Variants in STK32B observed in about 807,000 individuals in gnomAD.
STK32B encodes the protein serine/threonine kinase 32B.
STK32B carries 43 observed loss-of-function variants against 52.6 expected under a neutral mutation model. The observed-to-expected ratio is 0.82, with a 90% CI of 0.64 to 1.05. The LOEUF (loss-of-function observed/expected upper bound fraction) is 1.05, where lower values mean the gene tolerates loss of function less well. Among genes scored for constraint, STK32B ranks in the 50% least tolerant of loss-of-function variants. STK32B has a pLI of 0.00. For synonymous variants in STK32B, 238 were observed against 204.3 expected, an observed-to-expected ratio of 1.17 and a Z score of -1.41; for missense variants, 621 against 534.6, an observed-to-expected ratio of 1.16 and a Z score of -1.59.
At chr4:5,437,017 T>A (rs558185766) in intron 6 of STK32B, among the ~76,000 whole-genome samples, 1 of 152,308 alleles carries the variant, frequency 6.6e-6, no homozygotes, top group Admixed American at 6.5e-5. Flanking sequence ...TTCTGTATAC[T>A]GGGCTGAGCA....
At chr4:5,286,890 C>T (rs543151015) in intron 3 of STK32B, among the ~76,000 whole-genome samples, 22 of 149,160 alleles carry the variant, frequency 1.5e-4, no homozygotes, top group African/African-American at 5.3e-4. Context: ...CTCTGCCTTC[C>T]AGTTTCAAGC....
At chr4:5,228,753 A>G (rs1724042996) in intron 3 of STK32B, among the ~76,000 whole-genome samples, 2 of 152,182 alleles carry the variant, frequency 1.3e-5, no homozygotes, top group South Asian at 4.1e-4. Flanking sequence ...GGATCACCTG[A>G]GGTCAAGAGT....
intron 4 of STK32B, among the ~76,000 whole-genome samples, chr4:5,381,757 G>A (rs1160170709): frequency 6.6e-6 from 1 of 152,184 alleles, no homozygotes; most frequent in East Asian, 1.9e-4. Context: ...TGTAAAGATG[G>A]TAATGGGTTC....
the STK32B span, among the ~76,000 whole-genome samples, chr4:5,043,145 G>A: frequency 1.4e-5 from 2 of 147,674 alleles, no homozygotes; most frequent in African/African-American, 5.0e-5. Context: ...AACCTGTGCA[G>A]CATGAATACC....
At chr4:5,040,683 C>T in the STK32B span, among the ~76,000 whole-genome samples, 77 of 152,194 alleles carry the variant, frequency 5.1e-4, no homozygotes, top group Admixed American at 1.3e-3. Flanking sequence ...CCACTGCGCC[C>T]GGCCAAGCAG....
At chr4:5,349,443 T>A (rs1312955433) in intron 4 of STK32B, among the ~76,000 whole-genome samples, 1 of 152,000 alleles carries the variant, frequency 6.6e-6, no homozygotes, top group African/African-American at 2.4e-5. Context: ...CAAAGCCAAA[T>A]TTCTCTACAC....
At chr4:5,220,621 C>G (rs1393192922) in intron 3 of STK32B, among the ~76,000 whole-genome samples, 1 of 152,158 alleles carries the variant, frequency 6.6e-6, no homozygotes, top group African/African-American at 2.4e-5. Context: ...AGAAGGTCAC[C>G]AAGGACCTTG....
intron 4 of STK32B, among the ~76,000 whole-genome samples, chr4:5,343,619 A>C (rs1733249152): frequency 1.3e-5 from 2 of 152,196 alleles, no homozygotes; most frequent in South Asian, 4.1e-4. Flanking sequence ...AACTATAAAA[A>C]CCCTAGAAGA....
intron 3 of STK32B, among the ~76,000 whole-genome samples, chr4:5,178,328 A>G (rs113091993): frequency 2.5e-4 from 38 of 152,352 alleles, no homozygotes; most frequent in African/African-American, 8.7e-4. Flanking sequence ...CAGCTGGGAC[A>G]CAGGTCACCA....
intron 3 of STK32B, among the ~76,000 whole-genome samples, chr4:5,183,937 A>G (rs1460222560): frequency 2.0e-5 from 3 of 152,142 alleles, no homozygotes; most frequent in Non-Finnish European, 4.4e-5. Flanking sequence ...CTTTGGCTTA[A>G]GGGGATGTTG....
At chr4:5,043,571 G>A in the STK32B span, among the ~76,000 whole-genome samples, 1 of 152,212 alleles carries the variant, frequency 6.6e-6, no homozygotes, top group Non-Finnish European at 1.5e-5. Flanking sequence ...CTCTTAGGAG[G>A]TGGTGCATAT....
chr4:5,215,678 A>T (rs1295886159), intron 3 of STK32B, among the ~76,000 whole-genome samples: 1 of 152,122 alleles, frequency 6.6e-6, no homozygotes. Context: ...TATTTATGCA[A>T]CATTAGATGT....
intron 3 of STK32B, among the ~76,000 whole-genome samples, chr4:5,251,988 G>T (rs1433868292): frequency 1.3e-5 from 2 of 152,112 alleles, no homozygotes; most frequent in Non-Finnish European, 2.9e-5. Flanking sequence ...AGTTGTAAAT[G>T]GATATGTTTA....
chr4:5,333,992 G>GT (rs564584950), intron 4 of STK32B, among the ~76,000 whole-genome samples: 1 of 152,126 alleles, frequency 6.6e-6, no homozygotes. Context: ...CTTTAAAGTA[G>GT]TTTTTTTCCA....
intron 6 of STK32B, among the ~76,000 whole-genome samples, chr4:5,427,711 T>C (rs1372368497): frequency 2.6e-5 from 4 of 152,138 alleles, no homozygotes; most frequent in Non-Finnish European, 4.4e-5. Context: ...TATCCCCTTA[T>C]TATCCTTTTA....
At chr4:5,363,520 A>G (rs1734681116) in intron 4 of STK32B, among the ~76,000 whole-genome samples, 1 of 152,164 alleles carries the variant, frequency 6.6e-6, no homozygotes, top group African/African-American at 2.4e-5. Flanking sequence ...TGCCAGGTTC[A>G]TGTCTTAGCT....
chr4:5,416,909 C>T lies in STK32B; in HGVS notation c.537C>T (p.Ser179=). 6.2e-7 allele frequency: 1 copy of T among 1,613,584 alleles called. No individual in the cohort carries two copies. The highest frequency in any genetic ancestry group is 8.5e-7 in the Non-Finnish European group (1 of 1,179,798). Reference sequence around the variant, plus strand: ...TGAAAGGAGCAGAAAGGGCTTCCTCCATGGCTGGCACCAAGCCCTACATGG... The same window carrying T: ...TGAAAGGAGCAGAAAGGGCTTCCTCTATGGCTGGCACCAAGCCCTACATGG... ...TVVKGAERAS[S]MAGTKPYMAP... The change falls in exon 6 of 12, where the codon TCC becomes TCT. Residue 179 remains serine (S), a synonymous_variant. Coordinates refer to ENST00000282908, the MANE Select transcript of STK32B (RefSeq NM_018401.3).
At chr4:5,280,341 C>T (rs1182844847) in intron 3 of STK32B, among the ~76,000 whole-genome samples, 3 of 152,154 alleles carry the variant, frequency 2.0e-5, no homozygotes, top group Admixed American at 2.0e-4. Flanking sequence ...CTGAGACCTC[C>T]TCAGCCTGGA....
At chr4:5,131,653 T>A (rs1052961090) in intron 1 of STK32B, among the ~76,000 whole-genome samples, 1 of 152,174 alleles carries the variant, frequency 6.6e-6, no homozygotes, top group Non-Finnish European at 1.5e-5. Flanking sequence ...CATGCATGTT[T>A]TTTGCCAAGG....
Sources: gnomAD v4.1 joint callset for allele counts (sites outside exome capture counted in the v4.1 genomes callset) on GRCh38, gnomAD v4.1.1 for gene constraint, MANE v1.5 for transcripts, NCBI Gene and HGNC (gene_info 2026-07-23, HGNC 2026-07-21) for gene names.